Variants in DLG2 observed in about 807,000 individuals in gnomAD.
DLG2 encodes discs large MAGUK scaffold protein 2.
A neutral mutation model predicts 132.5 loss-of-function variants in DLG2; 45 were observed. That is an observed-to-expected ratio of 0.34 (90% CI 0.27 to 0.44). The LOEUF (loss-of-function observed/expected upper bound fraction) is 0.44. DLG2 is among the 20% of genes least tolerant of loss of function. The pLI, the probability that DLG2 is intolerant of heterozygous loss-of-function variation, is 1.00. For missense variants in DLG2, 1,045 were observed against 1,196.9 expected, an observed-to-expected ratio of 0.87 and a Z score of 1.87; for synonymous variants, 424 against 419.6, an observed-to-expected ratio of 1.01 and a Z score of -0.13.
intron 3 of DLG2, among the ~76,000 whole-genome samples, chr11:85,350,431 T>G (rs530779010): frequency 6.6e-6 from 1 of 152,358 alleles, no homozygotes; most frequent in African/African-American, 2.4e-5. Context: ...CATTTGTCAA[T>G]TTTAGCTTTT....
chr11:84,079,286 T>TG (rs1555326986), intron 10 of DLG2, among the ~76,000 whole-genome samples: 26 of 151,538 alleles, frequency 1.7e-4, no homozygotes, highest in Middle Eastern at 3.4e-3. Context: ...TTGTTTTTTT[T>TG]TTTGTTTTTC....
intron 8 of DLG2, among the ~76,000 whole-genome samples, chr11:84,182,131 AAAAC>A (rs1272155852): frequency 2.6e-5 from 4 of 152,302 alleles, no homozygotes; most frequent in Non-Finnish European, 5.9e-5. Flanking sequence ...TCTAAGCCAT[AAAAC>A]AAATCTTAAC....
intron 8 of DLG2, among the ~76,000 whole-genome samples, chr11:84,168,474 T>C (rs1302321707): frequency 1.3e-5 from 2 of 152,206 alleles, no homozygotes; most frequent in Non-Finnish European, 2.9e-5. Flanking sequence ...ATCATGCAAA[T>C]TGGGACCTCC....
At chr11:84,265,609 C>T (rs2097613063) in intron 7 of DLG2, among the ~76,000 whole-genome samples, 1 of 152,066 alleles carries the variant, frequency 6.6e-6, no homozygotes, top group South Asian at 2.1e-4. Flanking sequence ...CTCGTCTTGC[C>T]TAATTGTGAA....
At chr11:83,592,844 GA>G (rs2097211089) in intron 19 of DLG2, among the ~76,000 whole-genome samples, 2 of 149,640 alleles carry the variant, frequency 1.3e-5, no homozygotes, top group African/African-American at 4.9e-5. Flanking sequence ...GACATGAACA[GA>G]CACTTCTCAA....
intron 8 of DLG2, among the ~76,000 whole-genome samples, chr11:84,235,627 CA>C (rs1402197576): frequency 6.6e-6 from 1 of 152,136 alleles, no homozygotes; most frequent in Non-Finnish European, 1.5e-5. Context: ...CAATCTCGAA[CA>C]ATGTGTTTCT....
intron 3 of DLG2, among the ~76,000 whole-genome samples, chr11:85,558,902 A>G (rs780418211): frequency 6.6e-6 from 1 of 151,806 alleles, no homozygotes; most frequent in Non-Finnish European, 1.5e-5. Flanking sequence ...CAATATACTC[A>G]GGTAACAAAC....
chr11:84,438,909 A>G (rs999891239), intron 7 of DLG2, among the ~76,000 whole-genome samples: 3 of 152,208 alleles, frequency 2.0e-5, no homozygotes, highest in African/African-American at 7.2e-5. Context: ...CACTTGGAAA[A>G]GAACTTCCTT....
intron 2 of DLG2, among the ~76,000 whole-genome samples, chr11:85,618,445 T>C (rs2081483253): frequency 6.6e-6 from 1 of 152,228 alleles, no homozygotes; most frequent in South Asian, 2.1e-4. Flanking sequence ...GACAAAGGCA[T>C]GAATGAACAG....
At chr11:84,231,782 T>C (rs956500886) in intron 8 of DLG2, among the ~76,000 whole-genome samples, 8 of 152,050 alleles carry the variant, frequency 5.3e-5, no homozygotes, top group Non-Finnish European at 8.8e-5. Context: ...CAGAGAGCTA[T>C]GTGGACAGGA....
chr11:84,899,025 G>A (rs912126136), intron 6 of DLG2, among the ~76,000 whole-genome samples: 2 of 151,932 alleles, frequency 1.3e-5, no homozygotes, highest in Non-Finnish European at 1.5e-5. Flanking sequence ...CTACATGGTG[G>A]GAAATCACAA....
chr11:84,054,827 A>G (rs73511992), intron 11 of DLG2, among the ~76,000 whole-genome samples: 77 of 152,194 alleles, frequency 5.1e-4, no homozygotes, highest in African/African-American at 1.7e-3. Flanking sequence ...AAAGGGATAA[A>G]TCTGTTTATC....
chr11:83,856,628 T>G (rs1379497709), intron 16 of DLG2, among the ~76,000 whole-genome samples: 4 of 152,232 alleles, frequency 2.6e-5, no homozygotes, highest in African/African-American at 9.6e-5. Flanking sequence ...GCCACATCTA[T>G]GTCATCTTCT....
At chr11:83,527,119 G>A (rs2095628912) in intron 21 of DLG2, among the ~76,000 whole-genome samples, 2 of 152,118 alleles carry the variant, frequency 1.3e-5, no homozygotes, top group Admixed American at 6.6e-5. Flanking sequence ...GTATATCTGA[G>A]CTCACTTTAG....
intron 6 of DLG2, among the ~76,000 whole-genome samples, chr11:84,646,765 T>C (rs1737717822): frequency 6.6e-6 from 1 of 152,058 alleles, no homozygotes; most frequent in Admixed American, 6.5e-5. Context: ...CCTGCTGAAT[T>C]ATACTGTGGG....
At chr11:83,595,109 A>T (rs2057341995) in intron 19 of DLG2, among the ~76,000 whole-genome samples, 1 of 149,142 alleles carries the variant, frequency 6.7e-6, no homozygotes, top group Non-Finnish European at 1.5e-5. Flanking sequence ...AAATCTTTAC[A>T]AGCAATAAAT....
At chr11:83,858,977 T>C (rs1038876501) in intron 16 of DLG2, among the ~76,000 whole-genome samples, 1 of 152,218 alleles carries the variant, frequency 6.6e-6, no homozygotes, top group Non-Finnish European at 1.5e-5. Context: ...CTCATCAAAA[T>C]GGGAATTTCC....
At chr11:84,307,650 C>T (rs896341923) in intron 7 of DLG2, among the ~76,000 whole-genome samples, 2 of 144,972 alleles carry the variant, frequency 1.4e-5, no homozygotes, top group Non-Finnish European at 3.0e-5. Flanking sequence ...GAGCCGAGAT[C>T]GCGCCACTGC....
intron 6 of DLG2, among the ~76,000 whole-genome samples, chr11:84,973,336 TAAATC>T (rs1003839730): frequency 5.9e-5 from 9 of 152,166 alleles, no homozygotes; most frequent in African/African-American, 1.7e-4. Flanking sequence ...AACTGAGAAT[TAAATC>T]AGATAGTGCA....
Sources: gnomAD v4.1 joint callset for allele counts (sites outside exome capture counted in the v4.1 genomes callset) on GRCh38, gnomAD v4.1.1 for gene constraint, MANE v1.5 for transcripts, NCBI Gene and HGNC (gene_info 2026-07-23, HGNC 2026-07-21) for gene names.